BCKDHB: variants seen among roughly 807,000 people sequenced by gnomAD.
BCKDHB encodes 2-oxoisovalerate dehydrogenase subunit beta, mitochondrial.
BCKDHB carries 41 observed loss-of-function variants against 48.5 expected under a neutral mutation model. The observed-to-expected ratio is 0.85, with a 90% confidence interval of 0.66 to 1.10. The LOEUF (loss-of-function observed/expected upper bound fraction) is 1.10. BCKDHB is among the 50% of genes least tolerant of loss of function. The probability of loss-of-function intolerance (pLI) is 0.00; values close to 1 mark genes in which losing one functional copy is unlikely to be tolerated. For missense variants in BCKDHB, 496 were observed against 494.2 expected (o/e 1.00, Z -0.03); for synonymous variants, 201 against 174.8 (o/e 1.15, Z -1.18).
chr6:80,129,411 C>G (rs1271950632), intron 3 of BCKDHB, among the ~76,000 whole-genome samples, 182 bp downstream of exon 3: 3 of 152,130 alleles, frequency 2.0e-5, no homozygotes, highest in African/African-American at 7.2e-5. Context: ...TCTAGTATCC[C>G]TCTGATCTAG....
intron 9 of BCKDHB, among the ~76,000 whole-genome samples, chr6:80,323,444 A>G (rs191947621): frequency 1.5e-4 from 23 of 152,314 alleles, no homozygotes; most frequent in Admixed American, 1.2e-3. Flanking sequence ...CTCCCAACAT[A>G]CATGAATTTT....
chr6:80,371,746 T>C, the BCKDHB span, among the ~76,000 whole-genome samples: 2 of 152,068 alleles, frequency 1.3e-5, no homozygotes, highest in African/African-American at 4.8e-5. Context: ...GGGTATCTTT[T>C]CCCCCTTTAT....
At chr6:80,316,523 A>G (rs1768453837) in intron 9 of BCKDHB, among the ~76,000 whole-genome samples, 1 of 152,154 alleles carries the variant, frequency 6.6e-6, no homozygotes, top group African/African-American at 2.4e-5. Context: ...GGGTAACAAT[A>G]TTAGCAAATA....
chr6:80,190,557 A>G (rs547810739), intron 6 of BCKDHB, among the ~76,000 whole-genome samples: 2 of 152,144 alleles, frequency 1.3e-5, no homozygotes, highest in Non-Finnish European at 2.9e-5. Flanking sequence ...TTGTAAGGAT[A>G]AAAGGTGATA....
At chr6:80,408,851 G>T in the BCKDHB span, among the ~76,000 whole-genome samples, 1 of 147,572 alleles carries the variant, frequency 6.8e-6, no homozygotes, top group Non-Finnish European at 1.5e-5. Context: ...TTTTTGAAGG[G>T]TTTTTTGTGT....
chr6:80,317,516 G>A (rs79125944), intron 9 of BCKDHB, among the ~76,000 whole-genome samples: 6,965 of 152,204 alleles, frequency 0.046, 523 homozygotes, highest in African/African-American at 0.16. Context: ...TATAGTCACA[G>A]CATCTGCTCA....
At chr6:80,159,069 T>G (rs895635536) in intron 3 of BCKDHB, among the ~76,000 whole-genome samples, 1 of 152,208 alleles carries the variant, frequency 6.6e-6, no homozygotes, top group Non-Finnish European at 1.5e-5. Context: ...GTGTTAATAT[T>G]TGGTAACTCT....
chr6:80,380,693 G>A, the BCKDHB span, among the ~76,000 whole-genome samples: 115 of 151,814 alleles, frequency 7.6e-4, no homozygotes, highest in African/African-American at 2.7e-3. Flanking sequence ...CTCTGACAAA[G>A]GACTTATATC....
intron 9 of BCKDHB, among the ~76,000 whole-genome samples, chr6:80,341,174 A>G (rs1769883877): frequency 1.3e-5 from 2 of 152,184 alleles, no homozygotes; most frequent in Admixed American, 6.5e-5. Context: ...TATTTTATAT[A>G]CTTATAATAG....
intron 3 of BCKDHB, among the ~76,000 whole-genome samples, chr6:80,160,827 T>C (rs773655146): frequency 2.0e-5 from 3 of 152,224 alleles, no homozygotes; most frequent in African/African-American, 7.2e-5. Context: ...TGGGAGATCA[T>C]GGAGTTATAC....
intron 8 of BCKDHB, among the ~76,000 whole-genome samples, chr6:80,226,309 G>A (rs1015812728): frequency 6.6e-6 from 1 of 152,188 alleles, no homozygotes; most frequent in Non-Finnish European, 1.5e-5. Flanking sequence ...TACAAGGAAA[G>A]GATGTTAAAA....
chr6:80,191,960 A>G (rs1250369988), intron 6 of BCKDHB, among the ~76,000 whole-genome samples: 1 of 152,214 alleles, frequency 6.6e-6, no homozygotes, highest in Non-Finnish European at 1.5e-5. Context: ...AGAAAATGAG[A>G]TTCTCTGGAG....
At chr6:80,110,338 G>C (rs1039065622) in intron 1 of BCKDHB, among the ~76,000 whole-genome samples, 2 of 152,202 alleles carry the variant, frequency 1.3e-5, no homozygotes, top group Non-Finnish European at 2.9e-5. Flanking sequence ...AGGGTAATCT[G>C]AACCTTCGTT....
chr6:80,436,923 C>T, the BCKDHB span, among the ~76,000 whole-genome samples: 1 of 152,154 alleles, frequency 6.6e-6, no homozygotes, highest in Non-Finnish European at 1.5e-5. Flanking sequence ...AGAACAGAAT[C>T]ATTCATGCCA....
downstream of BCKDHB, among the ~76,000 whole-genome samples, chr6:80,349,580 A>G (rs981908892): frequency 6.6e-6 from 1 of 152,232 alleles, no homozygotes; most frequent in Non-Finnish European, 1.5e-5. Flanking sequence ...TCTTGAAATA[A>G]ATTGACCTAG....
intron 8 of BCKDHB, among the ~76,000 whole-genome samples, chr6:80,264,795 C>T (rs541002143): frequency 7.4e-4 from 112 of 152,132 alleles, no homozygotes; most frequent in African/African-American, 2.6e-3. Context: ...GATTTTCTTT[C>T]CAATCCTCAA....
At chr6:80,126,924 G>A (rs1463806190) in intron 1 of BCKDHB, among the ~76,000 whole-genome samples, 1 of 152,134 alleles carries the variant, frequency 6.6e-6, no homozygotes, top group Non-Finnish European at 1.5e-5. Context: ...TGTTCTGAGT[G>A]TATTACATGT....
At chr6:80,111,457 G>T (rs150544793) in intron 1 of BCKDHB, among the ~76,000 whole-genome samples, 3 of 152,264 alleles carry the variant, frequency 2.0e-5, no homozygotes, top group African/African-American at 7.2e-5. Context: ...CGCATTTTTG[G>T]CAGGGGACTG....
chr6:80,446,783 C>T, the BCKDHB span, among the ~76,000 whole-genome samples: 29 of 124,646 alleles, frequency 2.3e-4, no homozygotes, highest in South Asian at 1.3e-3. Flanking sequence ...GAGTATTTAG[C>T]GGATCTGGGT....
Sources: gnomAD v4.1 joint callset for allele counts (sites outside exome capture counted in the v4.1 genomes callset) on GRCh38, gnomAD v4.1.1 for gene constraint, MANE v1.5 for transcripts, NCBI Gene and HGNC (gene_info 2026-07-23, HGNC 2026-07-21) for gene names.